Variants in TNIP1 observed in about 807,000 individuals in gnomAD.
The protein encoded by TNIP1 is TNFAIP3-interacting protein 1.
In TNIP1, 22 loss-of-function variants were observed where a neutral mutation model predicts 86.6. The ratio of observed to expected loss-of-function variants is 0.25; its 90% CI spans 0.18 to 0.36. The LOEUF (loss-of-function observed/expected upper bound fraction) is 0.36. TNIP1 is among the 10% of genes least tolerant of loss of function. The pLI, the probability that TNIP1 is intolerant of heterozygous loss-of-function variation, is 1.00. For synonymous variants in TNIP1, 294 were observed against 313.0 expected (o/e 0.94, Z 0.64); for missense variants, 709 against 820.6 (o/e 0.86, Z 1.66).
chr5:151,084,592 CCTT>C (rs1468229110), upstream of TNIP1, among the ~76,000 whole-genome samples: 4 of 152,184 alleles, frequency 2.6e-5, no homozygotes, highest in Non-Finnish European at 4.4e-5. Flanking sequence ...ACCCAAGTAT[CCTT>C]CTCCCAGCAC....
intron 1 of TNIP1, among the ~76,000 whole-genome samples, chr5:151,071,610 T>C (rs762514554): frequency 7.2e-5 from 11 of 152,080 alleles, no homozygotes; most frequent in Non-Finnish European, 1.3e-4. Flanking sequence ...AGTCCTCCCA[T>C]AAGAGCTTTC....
At chr5:151,071,428 A>C (rs1464298444) in intron 1 of TNIP1, among the ~76,000 whole-genome samples, 1 of 152,188 alleles carries the variant, frequency 6.6e-6, no homozygotes, top group East Asian at 1.9e-4. Flanking sequence ...AGCTGCAAAA[A>C]TAGTAATAAC....
chr5:151,087,421 C>A (rs1158673797), upstream of TNIP1, among the ~76,000 whole-genome samples: 1 of 152,196 alleles, frequency 6.6e-6, no homozygotes, highest in African/African-American at 2.4e-5. Context: ...CTCAGCTGGG[C>A]TGGGAAAAGG....
chr5:151,033,863 A>C (rs1371834364), intron 15 of TNIP1, 64 bp from the exon 16 acceptor site: 4 of 1,321,858 alleles, frequency 3.0e-6, no homozygotes, highest in African/African-American at 3.0e-5. Context: ...CCATCTCATC[A>C]CCCTCTAAAT....
At chr5:151,063,278 G>T (rs2113703971) in intron 3 of TNIP1, among the ~76,000 whole-genome samples, 1 of 152,244 alleles carries the variant, frequency 6.6e-6, no homozygotes, top group East Asian at 1.9e-4. Flanking sequence ...TGCGATGCCT[G>T]GCACACAGTA....
intron 1 of TNIP1, among the ~76,000 whole-genome samples, chr5:151,072,613 T>C (rs1313359511): frequency 6.6e-6 from 1 of 152,186 alleles, no homozygotes; most frequent in Non-Finnish European, 1.5e-5. Context: ...CAGCCAGCCC[T>C]GAGGACATTT....
At chr5:151,042,515 T>C (rs988498758) in intron 11 of TNIP1, 25 bp downstream of exon 11, 1 of 1,608,858 alleles carries the variant, frequency 6.2e-7, no homozygotes, top group Non-Finnish European at 8.5e-7. Context: ...GAACTGACTC[T>C]GCAGGGACCA....
chr5:151,031,998 T>C, intron 17 of TNIP1: 1 of 312,524 alleles, frequency 3.2e-6, no homozygotes, highest in Non-Finnish European at 5.8e-6. Context: ...TCTGCCTCCC[T>C]CATTAGACAT....
chr5:151,059,049 G>A (rs1016550079), intron 5 of TNIP1, among the ~76,000 whole-genome samples: 4 of 152,228 alleles, frequency 2.6e-5, no homozygotes, highest in Non-Finnish European at 5.9e-5. Context: ...GGTGGCAGAT[G>A]CTGCTCTATT....
chr5:151,060,951 G>A (rs1761486390), intron 4 of TNIP1, among the ~76,000 whole-genome samples: 1 of 152,212 alleles, frequency 6.6e-6, no homozygotes, highest in Admixed American at 6.5e-5. Flanking sequence ...CATGTCCTGT[G>A]CTGGCCTTCC....
At position 151,068,484 on chromosome 5, in the gene TNIP1, C is replaced by T. The variant is rs115338025; in HGVS notation, c.-36-3353G>A. Reference sequence around the variant, plus strand: ...GATGAGGGGCTGCATTCGAACATGACGATGGCATGCACTCCCCTCTGCTGT... The same window carrying T: ...GATGAGGGGCTGCATTCGAACATGATGATGGCATGCACTCCCCTCTGCTGT... On this transcript the variant is annotated intron_variant, in intron 1 of 17. Coordinates refer to ENST00000521591, the MANE Select transcript of TNIP1 (RefSeq NM_006058.5). Among the ~76,000 whole-genome samples the T allele has an allele frequency of 7.7e-3, 1,171 of 152,272 alleles. 11 individuals are homozygous for T. Among genetic ancestry groups the T allele is most frequent in the African/African-American group, 0.026 (1,082 of 41,556 alleles).
chr5:151,067,990 C>A (rs1762432756), intron 1 of TNIP1, among the ~76,000 whole-genome samples: 1 of 152,198 alleles, frequency 6.6e-6, no homozygotes, highest in Non-Finnish European at 1.5e-5. Flanking sequence ...ACACGCAACA[C>A]TCAGTTTCTC....
chr5:151,043,360 C>T (rs1202360143), intron 9 of TNIP1, among the ~76,000 whole-genome samples: 1 of 152,130 alleles, frequency 6.6e-6, no homozygotes. Flanking sequence ...AATATATATA[C>T]ACAAGGCTAA....
chr5:151,055,968 C>A (rs751719923), intron 6 of TNIP1, among the ~76,000 whole-genome samples: 11 of 152,340 alleles, frequency 7.2e-5, no homozygotes, highest in African/African-American at 2.2e-4. Flanking sequence ...AGTGTGGATG[C>A]CCGTCATGAA....
intron 5 of TNIP1, among the ~76,000 whole-genome samples, chr5:151,057,867 G>A (rs1760884786): frequency 6.6e-6 from 1 of 152,200 alleles, no homozygotes; most frequent in Non-Finnish European, 1.5e-5. Flanking sequence ...ATAGGAGGAT[G>A]TGTATAGGTT....
At chr5:151,057,091 C>A in intron 5 of TNIP1, 134 bp from the exon 6 acceptor site, 1 of 986,582 alleles carries the variant, frequency 1.0e-6, no homozygotes, top group Non-Finnish European at 1.4e-6. Flanking sequence ...CCGGGAAATT[C>A]TCCAGTTATG....
chr5:151,050,295 A>G (rs930824273), intron 7 of TNIP1, among the ~76,000 whole-genome samples: 2 of 151,754 alleles, frequency 1.3e-5, no homozygotes, highest in Non-Finnish European at 2.9e-5. Flanking sequence ...TAGACCACGG[A>G]GACGGTGCGA....
Position 151,052,205 on chromosome 5 carries a change from T to G in TNIP1, c.682A>C (p.Lys228Gln). The G allele has an allele frequency of 1.2e-6, 2 of 1,614,058 alleles. No individual in the cohort carries two copies. Among genetic ancestry groups the G allele is most frequent in the Non-Finnish European group, 1.7e-6 (2 of 1,179,988 alleles). Residue 228 changes from lysine (K) to glutamine (Q), a missense_variant, in exon 7 of 18, where the codon AAG (lysine) becomes CAG (glutamine). Physicochemically the swap from Lys to Gln is moderately conservative, Grantham distance 53 (BLOSUM62 1). Coordinates refer to ENST00000521591, the MANE Select transcript of TNIP1 (RefSeq NM_006058.5). ...GCCTGATCCCGCTGTTCCAGGCCCT[T>G]ATCCAACTTGGCCTTCAGAGCCTCG... is the stretch of plus-strand genomic sequence containing the variant. Reference protein sequence around the residue: ...ENEALKAKLDKGLEQRDQAAE... With the variant: ...ENEALKAKLDQGLEQRDQAAE...
chr5:151,044,333 C>T (rs575400572), intron 9 of TNIP1, among the ~76,000 whole-genome samples: 20 of 152,106 alleles, frequency 1.3e-4, no homozygotes, highest in African/African-American at 2.9e-4. Context: ...TGAGCCACCA[C>T]GCCTGACCCA....
Sources: allele counts gnomAD v4.1 joint callset (sites outside exome capture counted in the v4.1 genomes callset), GRCh38; gene constraint gnomAD v4.1.1; transcripts MANE v1.5; gene names NCBI Gene and HGNC (gene_info 2026-07-23, HGNC 2026-07-21).